Variants in HTR2A observed in about 807,000 individuals in gnomAD.
HTR2A encodes 5-hydroxytryptamine receptor 2A.
In HTR2A, 14 loss-of-function variants were observed where a neutral mutation model predicts 31.0. That is an observed-to-expected ratio of 0.45 (90% confidence interval 0.30 to 0.71). The LOEUF is 0.71. HTR2A is among the 30% of genes least tolerant of loss of function. HTR2A has a pLI of 0.09. For missense variants in HTR2A, 442 were observed against 573.3 expected, an observed-to-expected ratio of 0.77 and a Z score of 2.34; for synonymous variants, 209 against 225.2, an observed-to-expected ratio of 0.93 and a Z score of 0.64.
chr13:46,856,935 G>T (rs578067415), intron 3 of HTR2A, among the ~76,000 whole-genome samples: 20 of 152,258 alleles, frequency 1.3e-4, no homozygotes, highest in East Asian at 9.7e-4. Context: ...GGTGCTGGGG[G>T]GAGCCCTAGC....
chr13:46,832,631 G>C lies in HTR2A; in HGVS notation c.*2206C>G, dbSNP rs1233173220. ...TTAACATTTATATTTTCATCAGTTA[G>C]TATGGTATATCATAAGGAGTAGTTC... On this transcript the variant is annotated 3_prime_UTR_variant, in exon 4 of 4. Coordinates refer to ENST00000542664, the MANE Select transcript of HTR2A (RefSeq NM_000621.5). The C allele has an allele frequency of 6.6e-6, 1 of 152,148 alleles. No individual in the cohort carries two copies. The highest frequency in any genetic ancestry group is 1.5e-5 in the Non-Finnish European group (1 of 68,016). 9.4% of individuals were successfully genotyped at this position (152,148 alleles called of 1,614,324 possible).
chr13:46,871,684 T>C (rs1215515859), intron 3 of HTR2A, among the ~76,000 whole-genome samples: 2 of 150,694 alleles, frequency 1.3e-5, no homozygotes, highest in East Asian at 1.9e-4. Flanking sequence ...GCTGCATGCA[T>C]TGGTCAGGCC....
chr13:46,889,657 A>G (rs1009456084), intron 3 of HTR2A, among the ~76,000 whole-genome samples: 3 of 152,248 alleles, frequency 2.0e-5, no homozygotes, highest in East Asian at 1.9e-4. Flanking sequence ...GTCTAAAAAA[A>G]GCTTTAGTTA....
intron 3 of HTR2A, among the ~76,000 whole-genome samples, chr13:46,882,213 A>C (rs1435654263): frequency 7.3e-6 from 1 of 136,902 alleles, no homozygotes; most frequent in Admixed American, 7.9e-5. Context: ...AAGCAAGTGA[A>C]AATGGTCAGG....
chr13:46,841,270 ACT>A (rs139026431), intron 3 of HTR2A, among the ~76,000 whole-genome samples: 3 of 149,528 alleles, frequency 2.0e-5, no homozygotes, highest in Admixed American at 6.7e-5. Flanking sequence ...TACAGCACAA[ACT>A]CTCTCTCTCT....
At chr13:46,849,109 C>T (rs1593428823) in intron 3 of HTR2A, among the ~76,000 whole-genome samples, 1 of 152,132 alleles carries the variant, frequency 6.6e-6, no homozygotes. Context: ...TCGCTCACCC[C>T]CCACCTTTCC....
intron 3 of HTR2A, among the ~76,000 whole-genome samples, chr13:46,861,228 A>G (rs1950776094): frequency 6.6e-6 from 1 of 152,210 alleles, no homozygotes; most frequent in African/African-American, 2.4e-5. Flanking sequence ...AAATAAGACA[A>G]TTCTATTGTG....
chr13:46,869,558 G>A (rs1478838492), intron 3 of HTR2A, among the ~76,000 whole-genome samples: 1 of 152,076 alleles, frequency 6.6e-6, no homozygotes, highest in Non-Finnish European at 1.5e-5. Context: ...ATATGACCCA[G>A]TAATTCCACT....
In HTR2A at chr13:46,835,577, T is replaced by A; in HGVS notation, c.676A>T (p.Ser226Cys). 6.2e-7 allele frequency: 1 copy of A among 1,613,876 alleles called. No homozygotes were observed. Among genetic ancestry groups the A allele is most frequent in the Non-Finnish European group, 8.5e-7 (1 of 1,179,930 alleles). ...AAGTTATCATCGGCGAGTAAGCAAC[T>A]CCCCTCCTTAAAGACCTTCGAATCG... ...QDDSKVFKEG[S>C]CLLADDNFVL... is the part of the protein sequence containing the mutation. The change falls in exon 4 of 4, where the codon AGT becomes TGT. Residue 226 changes from serine to cysteine, a missense_variant. Physicochemically the swap from Ser to Cys is moderately radical, Grantham distance 112. Around this residue, in one of 5 missense-constraint regions of HTR2A, gnomAD observed 174 missense variants for 195.1 expected, o/e 0.89. Coordinates refer to ENST00000542664, the MANE Select transcript of HTR2A (RefSeq NM_000621.5).
chr13:46,845,083 T>C (rs1013982332), intron 3 of HTR2A, among the ~76,000 whole-genome samples: 2 of 152,150 alleles, frequency 1.3e-5, no homozygotes, highest in East Asian at 3.8e-4. Context: ...CTGTGAACCC[T>C]ATGTACACAT....
chr13:46,866,618 G>A (rs908953070), intron 3 of HTR2A, among the ~76,000 whole-genome samples: 1 of 152,170 alleles, frequency 6.6e-6, no homozygotes, highest in Non-Finnish European at 1.5e-5. Context: ...TACTGTGTTA[G>A]GAACTGGGGA....
intron 3 of HTR2A, among the ~76,000 whole-genome samples, chr13:46,863,315 C>T (rs1950793922): frequency 6.6e-6 from 1 of 152,052 alleles, no homozygotes. Context: ...TTTCTTAGAG[C>T]ATTTTCCTTT....
intron 3 of HTR2A, among the ~76,000 whole-genome samples, chr13:46,879,440 C>G (rs534871715): frequency 6.6e-6 from 1 of 151,910 alleles, no homozygotes; most frequent in Non-Finnish European, 1.5e-5. Context: ...TGTTGCTTTG[C>G]GACATGAATG....
intron 3 of HTR2A, among the ~76,000 whole-genome samples, chr13:46,850,702 T>C (rs544303334): frequency 6.6e-6 from 1 of 152,306 alleles, no homozygotes; most frequent in East Asian, 1.9e-4. Context: ...TCCTTTTATC[T>C]GTGCTTGTGT....
chr13:46,866,762 C>G (rs984619228), intron 3 of HTR2A, among the ~76,000 whole-genome samples: 6 of 152,192 alleles, frequency 3.9e-5, no homozygotes, highest in Non-Finnish European at 8.8e-5. Flanking sequence ...TACGGTGGCT[C>G]ATGCCAGTAA....
intron 3 of HTR2A, among the ~76,000 whole-genome samples, chr13:46,851,105 A>G (rs572764157): frequency 3.3e-5 from 5 of 152,372 alleles, no homozygotes; most frequent in South Asian, 2.1e-4. Context: ...ACTCTGCAAC[A>G]CAAAAAAGAT....
intron 3 of HTR2A, among the ~76,000 whole-genome samples, chr13:46,884,435 T>C (rs1353306022): frequency 6.6e-6 from 1 of 152,158 alleles, no homozygotes; most frequent in African/African-American, 2.4e-5. Context: ...AAATCCAAGG[T>C]GGGCGGATCA....
At chr13:46,884,892 C>G (rs1282693544) in intron 3 of HTR2A, among the ~76,000 whole-genome samples, 1 of 152,052 alleles carries the variant, frequency 6.6e-6, no homozygotes, top group Non-Finnish European at 1.5e-5. Flanking sequence ...TGAGCTCACA[C>G]CATGCATACC....
chr13:46,866,401 G>C (rs1424516703), intron 3 of HTR2A, among the ~76,000 whole-genome samples: 2 of 152,166 alleles, frequency 1.3e-5, no homozygotes, highest in Non-Finnish European at 2.9e-5. Context: ...ACTGCCTGAG[G>C]GGCTGTGCAA....
Sources: gnomAD v4.1 joint callset for allele counts (sites outside exome capture counted in the v4.1 genomes callset) on GRCh38, gnomAD v4.1.1 for gene constraint, gnomAD v4.1.1 regional missense constraint, MANE v1.5 for transcripts, NCBI Gene and HGNC (gene_info 2026-07-23, HGNC 2026-07-21) for gene names.